Variants in PTPRG observed in about 807,000 individuals in gnomAD.
PTPRG encodes the protein receptor-type tyrosine-protein phosphatase gamma.
A neutral mutation model predicts 165.3 loss-of-function variants in PTPRG; 102 were observed. The ratio of observed to expected loss-of-function variants is 0.62; its 90% confidence interval spans 0.53 to 0.73. The LOEUF is 0.73. Ranked by LOEUF, PTPRG falls within the 30% of genes least tolerant of loss-of-function variation. The pLI is 0.00. For missense variants in PTPRG, 1,866 were observed against 1,861.4 expected (o/e 1.00, Z -0.05); for synonymous variants, 675 against 669.5 (o/e 1.01, Z -0.13).
intron 14 of PTPRG, among the ~76,000 whole-genome samples, chr3:62,232,174 A>G (rs1700918622): frequency 6.6e-6 from 1 of 152,194 alleles, no homozygotes; most frequent in Non-Finnish European, 1.5e-5. Flanking sequence ...GAATACTGAG[A>G]TGAAATTTTA....
chr3:62,053,822 G>T (rs1188034854), intron 4 of PTPRG, among the ~76,000 whole-genome samples: 1 of 152,086 alleles, frequency 6.6e-6, no homozygotes, highest in African/African-American at 2.4e-5. Context: ...GAGTTACGAG[G>T]CTCAAACTGC....
intron 17 of PTPRG, chr3:62,263,113 T>A: frequency 2.2e-6 from 1 of 451,348 alleles, no homozygotes; most frequent in East Asian, 3.8e-5. Context: ...CTTAATAAGG[T>A]GACTGAAAGA....
rs1177541144 is a variant in PTPRG, at chr3:62,190,554, G to A, written c.1034-915G>A. ...GTCCCTTAAACCTCTCAGCCCCAAG[G>A]AATAAGAAGATGAATGAGCCTGACT... On this transcript the variant is annotated intron_variant, in intron 8 of 29. Transcript: ENST00000474889. The surrounding 1 kb of genome is among the most constrained non-coding windows in gnomAD (Gnocchi z 5.2). 6.6e-6 allele frequency among the ~76,000 whole-genome samples: 1 copy of A among 152,022 alleles called. No individual in the cohort carries two copies. The highest frequency in any genetic ancestry group is 2.4e-5 in the African/African-American group (1 of 41,334).
At position 62,271,720 on chromosome 3, in the gene PTPRG, A is replaced by G. The variant is rs559588102; in HGVS notation, c.3182+165A>G. On this transcript the variant is annotated intron_variant, in intron 21 of 29. Coordinates refer to ENST00000474889, the MANE Select transcript of PTPRG (RefSeq NM_002841.4). This position sits in a 1 kb window ranked among gnomAD's most constrained non-coding sequence, Gnocchi z 4.1. ...AGTCTTAAAGAGGCTCTATTCCTGT[A>G]ACATTAAGAAATCATCTGCTGCTTC... is the stretch of plus-strand genomic sequence containing the variant. Among the ~76,000 whole-genome samples the G allele has an allele frequency of 6.6e-6, 1 of 152,172 alleles. No individual in the cohort carries two copies. Among genetic ancestry groups the G allele is most frequent in the Non-Finnish European group, 1.5e-5 (1 of 68,030 alleles).
intron 2 of PTPRG, among the ~76,000 whole-genome samples, chr3:61,951,693 C>T (rs904731129): frequency 2.0e-5 from 3 of 152,150 alleles, no homozygotes; most frequent in Non-Finnish European, 4.4e-5. Context: ...AGGGTTTCTT[C>T]TTGGCAACAA....
intron 2 of PTPRG, among the ~76,000 whole-genome samples, chr3:61,787,788 T>G (rs1184577727): frequency 6.6e-6 from 1 of 152,238 alleles, no homozygotes; most frequent in South Asian, 2.1e-4. Context: ...TAAAACAGTT[T>G]CCGTTTATTA....
chr3:61,939,390 G>A (rs927460484), intron 2 of PTPRG, among the ~76,000 whole-genome samples: 3 of 152,150 alleles, frequency 2.0e-5, no homozygotes, highest in South Asian at 2.1e-4. Flanking sequence ...ATAAAAAGTC[G>A]TAAGTGATGG....
At chr3:61,859,550 C>T (rs1051639890) in intron 2 of PTPRG, among the ~76,000 whole-genome samples, 9 of 151,792 alleles carry the variant, frequency 5.9e-5, no homozygotes, top group Admixed American at 2.0e-4. Context: ...ATTCTATGAG[C>T]CCCCAGGACA....
chr3:62,074,209 G>T (rs1344869258), intron 4 of PTPRG, among the ~76,000 whole-genome samples: 1 of 151,384 alleles, frequency 6.6e-6, no homozygotes, highest in Non-Finnish European at 1.5e-5. Flanking sequence ...GTGTGTGTGT[G>T]TGTATACAGA....
intron 4 of PTPRG, among the ~76,000 whole-genome samples, chr3:62,044,357 G>T (rs549389950): frequency 1.3e-5 from 2 of 152,240 alleles, no homozygotes; most frequent in Non-Finnish European, 2.9e-5. Flanking sequence ...TGACCAATAT[G>T]GTGAAACCCC....
At chr3:62,207,239 A>C (rs902508073) in intron 12 of PTPRG, among the ~76,000 whole-genome samples, 1 of 152,264 alleles carries the variant, frequency 6.6e-6, no homozygotes, top group Non-Finnish European at 1.5e-5. Context: ...AGGATGTGAT[A>C]GTATTTCAAT....
chr3:61,866,099 C>G (rs1388057093), intron 2 of PTPRG, among the ~76,000 whole-genome samples: 1 of 152,194 alleles, frequency 6.6e-6, no homozygotes, highest in Admixed American at 6.5e-5. Flanking sequence ...GGGAACTCCT[C>G]TGTGCCTGCT....
chr3:61,880,488 T>C (rs2037855997), intron 2 of PTPRG, among the ~76,000 whole-genome samples: 1 of 151,884 alleles, frequency 6.6e-6, no homozygotes. Context: ...GGTGTGTTGG[T>C]GTAGGCCTGT....
intron 2 of PTPRG, among the ~76,000 whole-genome samples, chr3:61,920,636 C>T (rs1162291111): frequency 1.3e-5 from 2 of 152,116 alleles, no homozygotes; most frequent in Admixed American, 6.5e-5. Context: ...CCTCTTGATC[C>T]GCCTGCCTTG....
intron 8 of PTPRG, among the ~76,000 whole-genome samples, chr3:62,186,224 T>C (rs777443622): frequency 6.6e-6 from 1 of 152,286 alleles, no homozygotes; most frequent in Non-Finnish European, 1.5e-5. Context: ...GACAAGATCC[T>C]CAACACATTT....
At chr3:62,205,007 CAA>C (rs967528024) in intron 12 of PTPRG, among the ~76,000 whole-genome samples, 1 of 146,384 alleles carries the variant, frequency 6.8e-6, no homozygotes, top group African/African-American at 2.5e-5. Flanking sequence ...TATAAGAGTG[CAA>C]AAAAAAAGCA....
intron 2 of PTPRG, among the ~76,000 whole-genome samples, chr3:61,937,623 C>A (rs1212564453): frequency 6.6e-6 from 1 of 152,180 alleles, no homozygotes; most frequent in African/African-American, 2.4e-5. Flanking sequence ...GTTCTCTCTT[C>A]TTTTCTTTGA....
At chr3:61,585,507 G>A (rs1441355026) in intron 1 of PTPRG, among the ~76,000 whole-genome samples, 4 of 152,208 alleles carry the variant, frequency 2.6e-5, no homozygotes, top group Admixed American at 6.5e-5. Flanking sequence ...CACTTTGGGA[G>A]GCTGAGGAGG....
intron 2 of PTPRG, among the ~76,000 whole-genome samples, chr3:61,783,321 CAG>C (rs2034599338): frequency 6.6e-6 from 1 of 152,138 alleles, no homozygotes; most frequent in Non-Finnish European, 1.5e-5. Flanking sequence ...ACCTGGGTGA[CAG>C]AGTGAGACCC....
Sources: allele counts gnomAD v4.1 joint callset (sites outside exome capture counted in the v4.1 genomes callset), GRCh38; gene constraint gnomAD v4.1.1; non-coding constraint Gnocchi (gnomAD v3.1); transcripts MANE v1.5; gene names NCBI Gene and HGNC (gene_info 2026-07-23, HGNC 2026-07-21).